The following CYP4Z1 variants were observed in gnomAD, a reference collection of about 807,000 sequenced individuals.
CYP4Z1 encodes cytochrome P450 4Z1.
A neutral mutation model predicts 54.2 loss-of-function variants in CYP4Z1; 41 were observed. The observed-to-expected ratio is 0.76, with a 90% CI of 0.59 to 0.98. CYP4Z1 has a LOEUF of 0.98. CYP4Z1 is among the 50% of genes least tolerant of loss of function. The pLI, the probability that CYP4Z1 is intolerant of heterozygous loss-of-function variation, is 0.00. For synonymous variants in CYP4Z1, 163 were observed against 206.2 expected (o/e 0.79, Z 1.79); for missense variants, 513 against 599.0 (o/e 0.86, Z 1.50).
At chr1:47,092,598 A>G (rs1480120696) in intron 6 of CYP4Z1, among the ~76,000 whole-genome samples, 1 of 151,954 alleles carries the variant, frequency 6.6e-6, no homozygotes, top group Non-Finnish European at 1.5e-5. Context: ...TGGGGTTGCA[A>G]TTAGGGGTCT....
upstream of CYP4Z1, among the ~76,000 whole-genome samples, chr1:47,064,414 A>G (rs182602734): frequency 4.7e-3 from 713 of 152,138 alleles, 1 homozygote; most frequent in African/African-American, 0.016. Context: ...TAAACAAAAC[A>G]ATGGTCAGCC....
rs752567740 is a variant in CYP4Z1 at position 47,068,734 on chromosome 1, A to G, written c.290A>G (p.Asp97Gly). The G allele has an allele frequency of 1.2e-6, 2 of 1,614,136 alleles. No individual in the cohort carries two copies. The highest frequency in any genetic ancestry group is 1.7e-6 in the Non-Finnish European group (2 of 1,179,992). The change falls in exon 2 of 12, where the codon GAC becomes GGC. Residue 97 changes from aspartate (D) to glycine (G), a missense_variant. Asp to Gly is a moderately conservative substitution (Grantham distance 94). Transcript: ENST00000334194. ...ATGTTCTTCAGTGTCCATGACCCAG[A>G]CTATGCCAAGATTCTCCTGAAAAGA... The part of the protein sequence containing the change: ...FTMFFSVHDP[D>G]YAKILLKRQD...
chr1:47,076,844 C>A (rs1365113756), intron 2 of CYP4Z1, among the ~76,000 whole-genome samples: 58 of 81,414 alleles, frequency 7.1e-4, no homozygotes, highest in East Asian at 6.2e-3. Context: ...GACGCTGTCT[C>A]AAAAAAAAAA....
intron 9 of CYP4Z1, among the ~76,000 whole-genome samples, chr1:47,108,320 T>G (rs546594211): frequency 6.6e-6 from 1 of 152,318 alleles, no homozygotes; most frequent in East Asian, 1.9e-4. Flanking sequence ...TCAACTTCCT[T>G]GAATATTTTC....
chr1:47,061,161 A>G, the CYP4Z1 span, among the ~76,000 whole-genome samples: 1 of 152,208 alleles, frequency 6.6e-6, no homozygotes, highest in African/African-American at 2.4e-5. Context: ...AGAGCAAATC[A>G]ACTCCAAAGC....
At chr1:47,086,612 A>C (rs1240417615) in intron 6 of CYP4Z1, among the ~76,000 whole-genome samples, 1 of 152,030 alleles carries the variant, frequency 6.6e-6, no homozygotes, top group Non-Finnish European at 1.5e-5. Context: ...TCAGATGAGG[A>C]GATTGCAAAA....
chr1:47,114,624 A>C (rs546622218), intron 9 of CYP4Z1, among the ~76,000 whole-genome samples: 4 of 120,306 alleles, frequency 3.3e-5, no homozygotes, highest in African/African-American at 1.3e-4. Flanking sequence ...CCCCATCAAC[A>C]AGAAGGTGAA....
intron 6 of CYP4Z1, among the ~76,000 whole-genome samples, chr1:47,092,371 T>C (rs1027303933): frequency 1.1e-4 from 16 of 152,066 alleles, no homozygotes; most frequent in African/African-American, 3.6e-4. Flanking sequence ...TCTAAGGTGC[T>C]ATCTGGTCCT....
the CYP4Z1 span, among the ~76,000 whole-genome samples, chr1:47,060,721 G>C: frequency 1.3e-5 from 2 of 152,056 alleles, no homozygotes; most frequent in Non-Finnish European, 1.5e-5. Flanking sequence ...ACCTCTACAG[G>C]ACTCTCTATC....
At chr1:47,107,484 T>C (rs1644764722) in intron 9 of CYP4Z1, among the ~76,000 whole-genome samples, 1 of 152,204 alleles carries the variant, frequency 6.6e-6, no homozygotes, top group African/African-American at 2.4e-5. Flanking sequence ...ATGGTATTTA[T>C]TGTAATATTT....
At chr1:47,064,914 C>T (rs1557618359), upstream of CYP4Z1, among the ~76,000 whole-genome samples, 9 of 152,224 alleles carry the variant, frequency 5.9e-5, no homozygotes, top group South Asian at 1.9e-3. Context: ...CCAGACATAA[C>T]AACTTTAAAG....
At chr1:47,058,990 A>G in the CYP4Z1 span, among the ~76,000 whole-genome samples, 1 of 152,186 alleles carries the variant, frequency 6.6e-6, no homozygotes, top group East Asian at 1.9e-4. Flanking sequence ...AATAGTATGT[A>G]TTTGCCCAAC....
intron 6 of CYP4Z1, among the ~76,000 whole-genome samples, chr1:47,091,778 T>C (rs1352648296): frequency 2.0e-5 from 3 of 149,750 alleles, no homozygotes; most frequent in African/African-American, 2.4e-5. Flanking sequence ...AGTAGAGCTG[T>C]TATGACGATG....
intron 9 of CYP4Z1, among the ~76,000 whole-genome samples, chr1:47,112,704 G>C (rs1410465555): frequency 3.1e-5 from 4 of 128,098 alleles, no homozygotes; most frequent in African/African-American, 9.0e-5. Flanking sequence ...AGGATCGCTT[G>C]AGTCTGGGCA....
Position 47,113,655 on chromosome 1 carries a change from G to A in CYP4Z1, c.1202-1874G>A, listed in dbSNP as rs150625332. Among the ~76,000 whole-genome samples the A allele has an allele frequency of 9.6e-3, 1,462 of 152,142 alleles. 20 individuals carry two copies. The highest frequency in any genetic ancestry group is 0.033 in the African/African-American group (1,386 of 41,534). On this transcript the variant is annotated intron_variant, in intron 9 of 11. Transcript: ENST00000334194. Reference sequence around the variant, plus strand: ...AAGCATTCTTATACACCAATAACAGGCAAACAGAGAGCCAAATCATGAGCG... The same window carrying A: ...AAGCATTCTTATACACCAATAACAGACAAACAGAGAGCCAAATCATGAGCG...
At chr1:47,066,454 A>G (rs1279671545), upstream of CYP4Z1, among the ~76,000 whole-genome samples, 3 of 152,176 alleles carry the variant, frequency 2.0e-5, no homozygotes, top group Admixed American at 2.0e-4. Flanking sequence ...AAAAGCATTT[A>G]ACAAAATCCA....
At chr1:47,062,810 C>T (rs996531666), upstream of CYP4Z1, among the ~76,000 whole-genome samples, 6 of 152,154 alleles carry the variant, frequency 3.9e-5, no homozygotes, top group African/African-American at 1.4e-4. Context: ...TATGGCCCTG[C>T]CCACCACCTG....
intron 6 of CYP4Z1, among the ~76,000 whole-genome samples, chr1:47,091,911 T>TA (rs1163456150): frequency 6.0e-5 from 9 of 150,850 alleles, no homozygotes; most frequent in Admixed American, 1.3e-4. Context: ...GGCCTGGAGT[T>TA]AAAGGGGAGA....
chr1:47,094,493 C>T (rs1262686109), intron 6 of CYP4Z1, 73 bp from the exon 7 acceptor site: 1 of 1,071,210 alleles, frequency 9.3e-7, no homozygotes, highest in East Asian at 2.6e-5. Context: ...ACCAGCTTCT[C>T]AGAACTACAT....
Sources: gnomAD v4.1 joint callset for allele counts (sites outside exome capture counted in the v4.1 genomes callset) on GRCh38, gnomAD v4.1.1 for gene constraint, MANE v1.5 for transcripts, NCBI Gene and HGNC (gene_info 2026-07-23, HGNC 2026-07-21) for gene names.